The following RPAP2 variants were observed in gnomAD, a reference collection of about 807,000 sequenced individuals.
RPAP2 encodes the protein RNA polymerase II associated protein 2, also known as putative RNA polymerase II subunit B1 CTD phosphatase RPAP2.
Under a neutral mutation model 73.1 loss-of-function variants are expected in RPAP2, and 52 were observed. That is an observed-to-expected ratio of 0.71 (90% CI 0.57 to 0.90). RPAP2 has a LOEUF of 0.90. Among genes scored for constraint, RPAP2 ranks in the 40% least tolerant of loss-of-function variants. The probability of loss-of-function intolerance (pLI) is 0.00; values close to 1 mark genes in which losing one functional copy is unlikely to be tolerated. For missense variants in RPAP2, 598 were observed against 701.8 expected (o/e 0.85, Z 1.67); for synonymous variants, 225 against 242.1 (o/e 0.93, Z 0.65).
Position 92,325,998 on chromosome 1 carries a change from C to T in RPAP2, c.1455+1623C>T, listed in dbSNP as rs142867653. Among the ~76,000 whole-genome samples the T allele has an allele frequency of 4.7e-3, 710 of 152,040 alleles. 2 individuals are homozygous for T. Among genetic ancestry groups the T allele is most frequent in the Non-Finnish European group, 7.6e-3 (519 of 67,980 alleles). ...TGAACAATATTCTTAGGAACTTTCT[C>T]GTATTTATCTCTCTGCTAATATGCG... is the stretch of plus-strand genomic sequence containing the variant. On this transcript the variant is annotated intron_variant, in intron 8 of 12. Transcript: ENST00000610020.
intron 11 of RPAP2, among the ~76,000 whole-genome samples, chr1:92,352,500 A>G (rs1488580876): frequency 6.6e-6 from 1 of 152,200 alleles, no homozygotes. Context: ...ATCTGTGAAC[A>G]TACCATGAAA....
rs1057198921 is a variant in RPAP2, at chr1:92,396,631, TTTATG to T, written c.*9622_*9626del. On this transcript the variant is annotated 3_prime_UTR_variant, in exon 13 of 13. Transcript: ENST00000610020. ...ACTAAGTTGTAATTTTTGCACAACT[TTTATG>T]TGTGTGTGTGTGTGTGTGTGTGAGA... 8.3e-6 allele frequency: 1 copy of T among 120,058 alleles called. No homozygotes were observed. Among genetic ancestry groups the T allele is most frequent in the African/African-American group, 3.1e-5 (1 of 32,636 alleles). 7.4% of individuals were successfully genotyped at this position (120,058 alleles called of 1,614,324 possible).
At chr1:92,369,376 T>G (rs1655054920) in intron 11 of RPAP2, among the ~76,000 whole-genome samples, 1 of 152,174 alleles carries the variant, frequency 6.6e-6, no homozygotes. Context: ...ACTGTAAACT[T>G]GAACTCCTGG....
chr1:92,301,392 G>T, intron 2 of RPAP2, 84 bp from the exon 3 acceptor site: 3 of 555,416 alleles, frequency 5.4e-6, no homozygotes, highest in South Asian at 6.5e-5. Flanking sequence ...GCAAAATAGT[G>T]AGTTAGGTTA....
chr1:92,358,395 G>A (rs963998528), intron 11 of RPAP2, among the ~76,000 whole-genome samples: 3 of 151,970 alleles, frequency 2.0e-5, no homozygotes, highest in South Asian at 2.1e-4. Context: ...ACTTGAGGAA[G>A]TGTTTCCTCC....
intron 11 of RPAP2, among the ~76,000 whole-genome samples, chr1:92,346,745 T>C (rs971965883): frequency 1.3e-5 from 2 of 152,208 alleles, no homozygotes; most frequent in Non-Finnish European, 2.9e-5. Flanking sequence ...CTCATTCAGC[T>C]TTTAAGAAAC....
At chr1:92,303,919 C>A in intron 3 of RPAP2, 58 bp from the exon 4 acceptor site, 3 of 1,145,182 alleles carry the variant, frequency 2.6e-6, no homozygotes, top group Non-Finnish European at 2.6e-6. Context: ...GCTTAGAGAG[C>A]TGATAAATGA....
chr1:92,315,248 TGAACAGCTGGTTGGTG>T (rs1238578387), intron 6 of RPAP2, among the ~76,000 whole-genome samples: 3 of 152,190 alleles, frequency 2.0e-5, no homozygotes, highest in Non-Finnish European at 4.4e-5. Flanking sequence ...GCGAGATGGG[TGAACAGCTGGTTGGTG>T]GATCAGTCAG....
At chr1:92,346,245 C>T (rs968665726) in intron 11 of RPAP2, among the ~76,000 whole-genome samples, 16 of 151,942 alleles carry the variant, frequency 1.1e-4, no homozygotes, top group African/African-American at 3.4e-4. Flanking sequence ...CTCACTGCCA[C>T]CTCTGCCTCC....
At chr1:92,307,626 G>A (rs572066896) in intron 6 of RPAP2, among the ~76,000 whole-genome samples, 1 of 152,078 alleles carries the variant, frequency 6.6e-6, no homozygotes, top group African/African-American at 2.4e-5. Context: ...TAGGATCCAG[G>A]TGAACTCTGC....
At chr1:92,314,751 A>T (rs935239574) in intron 6 of RPAP2, among the ~76,000 whole-genome samples, 6 of 139,408 alleles carry the variant, frequency 4.3e-5, no homozygotes, top group Admixed American at 1.5e-4. Flanking sequence ...TCAATAAATT[A>T]AAAAAAAAAA....
chr1:92,321,490 A>C (rs1652260054), intron 7 of RPAP2, among the ~76,000 whole-genome samples: 1 of 151,188 alleles, frequency 6.6e-6, no homozygotes, highest in African/African-American at 2.4e-5. Context: ...TTTTCTTTAC[A>C]TTTCCCCACA....
intron 11 of RPAP2, among the ~76,000 whole-genome samples, chr1:92,372,109 TA>T (rs1655181213): frequency 1.3e-5 from 2 of 152,178 alleles, no homozygotes; most frequent in South Asian, 4.1e-4. Flanking sequence ...TTGTACTCCA[TA>T]AATATATGCA....
intron 10 of RPAP2, among the ~76,000 whole-genome samples, chr1:92,339,824 C>T (rs889327560): frequency 1.1e-4 from 17 of 152,168 alleles, no homozygotes; most frequent in Non-Finnish European, 2.5e-4. Context: ...ACTATTATGA[C>T]TTTTTTCTGT....
At position 92,323,720 on chromosome 1, in the gene RPAP2, T is replaced by G. The variant is rs777868709; in HGVS notation, c.800T>G (p.Val267Gly). The change falls in exon 8 of 13, where the codon GTA becomes GGA. Residue 267 changes from valine to glycine, a missense_variant. Physicochemically the swap from Val to Gly is moderately radical, Grantham distance 109 (BLOSUM62 -3). Around this residue, in one of 3 missense-constraint regions of RPAP2, gnomAD observed 506 missense variants for 612.8 expected, o/e 0.83. Transcript: ENST00000610020. Reference sequence around the variant, plus strand: ...AAACACAAAGACAAAGAACAGACAGTAGTAGATGTCACTGAGCAGTTAGGC... The same window carrying G: ...AAACACAAAGACAAAGAACAGACAGGAGTAGATGTCACTGAGCAGTTAGGC... ...NSKHKDKEQTVVDVTEQLGDC... is the reference protein window; with the variant it reads ...NSKHKDKEQTGVDVTEQLGDC... 1.2e-6 allele frequency: 2 copies of G among 1,614,072 alleles called. No individual in the cohort carries two copies. The highest frequency in any genetic ancestry group is 3.3e-5 in the Admixed American group (2 of 60,012).
chr1:92,382,113 G>A (rs1410392555), intron 12 of RPAP2, among the ~76,000 whole-genome samples: 1 of 151,982 alleles, frequency 6.6e-6, no homozygotes, highest in Non-Finnish European at 1.5e-5. Flanking sequence ...CATTTTTTAT[G>A]GCTGCATAGT....
At position 92,396,713 on chromosome 1, in the gene RPAP2, TCAC is replaced by T. The variant is rs1460664362; in HGVS notation, c.*9706_*9708del. The T allele has an allele frequency of 6.5e-6, 1 of 152,858 alleles. No individual in the cohort carries two copies. The highest frequency in any genetic ancestry group is 1.5e-5 in the Non-Finnish European group (1 of 68,704). The allele number at this position is 152,858 out of a possible 1,614,324, so 9.5% of individuals were successfully genotyped here. On this transcript the variant is annotated 3_prime_UTR_variant, in exon 13 of 13. Coordinates refer to ENST00000610020, the MANE Select transcript of RPAP2 (RefSeq NM_024813.3). The stretch of plus-strand genomic sequence containing the variant: ...TGGAGTGCAATGGCGCGATCTCAGC[TCAC>T]CACAACCTCCGCCTCCTGGGTTGAA...
chr1:92,373,739 T>A (rs4622119), intron 11 of RPAP2, among the ~76,000 whole-genome samples: 41,369 of 81,530 alleles, frequency 0.51, 10,810 homozygotes, highest in East Asian at 0.93. Context: ...CTACTAAAAA[T>A]AAAAAAAAAA....
Position 92,299,162 on chromosome 1 carries a change from T to C in RPAP2, c.73+16T>C. The C allele has an allele frequency of 1.4e-6, 2 of 1,470,034 alleles. No homozygotes were observed. The highest frequency in any genetic ancestry group is 1.8e-6 in the Non-Finnish European group (2 of 1,096,892). The allele number at this position is 1,470,034 out of a possible 1,614,324, so 91.1% of individuals were successfully genotyped here. On this transcript the variant is annotated intron_variant, in intron 1 of 12. Coordinates refer to ENST00000610020, the MANE Select transcript of RPAP2 (RefSeq NM_024813.3). Reference sequence around the variant, plus strand: ...AAAGCCGCAGGTAGGAGCAAGGATCTCTTCCCACTTTTGGACCCTGAAAGC... The same window carrying C: ...AAAGCCGCAGGTAGGAGCAAGGATCCCTTCCCACTTTTGGACCCTGAAAGC...
Sources: gnomAD v4.1 joint callset for allele counts (sites outside exome capture counted in the v4.1 genomes callset) on GRCh38, gnomAD v4.1.1 for gene constraint, gnomAD v4.1.1 regional missense constraint, MANE v1.5 for transcripts, NCBI Gene and HGNC (gene_info 2026-07-23, HGNC 2026-07-21) for gene names.